Variants in TCERG1L observed in about 807,000 individuals in gnomAD.
TCERG1L encodes transcription elongation regulator 1-like protein.
TCERG1L carries 37 observed loss-of-function variants against 56.3 expected under a neutral mutation model. The observed-to-expected ratio is 0.66, with a 90% confidence interval of 0.51 to 0.87. TCERG1L has a LOEUF of 0.87. TCERG1L is among the 40% of genes least tolerant of loss of function. TCERG1L has a pLI of 0.00. For synonymous variants in TCERG1L, 324 were observed against 326.3 expected (o/e 0.99, Z 0.08); for missense variants, 799 against 774.2 (o/e 1.03, Z -0.38).
At chr10:131,183,203 T>C (rs372524888) in intron 4 of TCERG1L, among the ~76,000 whole-genome samples, 1 of 152,198 alleles carries the variant, frequency 6.6e-6, no homozygotes, top group African/African-American at 2.4e-5. Context: ...CTACCCACCA[T>C]AGGGGCTTCT....
At position 131,112,890 on chromosome 10, in the gene TCERG1L, G is replaced by A. The variant is rs1190480826; in HGVS notation, c.1395+3909C>T. On this transcript the variant is annotated intron_variant, in intron 9 of 11. Transcript: ENST00000368642. The stretch of plus-strand genomic sequence containing the variant: ...GCAGGGTTTTCACCTACTGACCCCC[G>A]TCCCTCCTCGGTTGAGGGTCGCCCT... 2.8e-5 allele frequency among the ~76,000 whole-genome samples: 4 copies of A among 142,290 alleles called. 1 individual carries two copies. The highest frequency in any genetic ancestry group is 6.3e-5 in the Non-Finnish European group (4 of 63,240). The allele number at this position is 142,290 out of a possible 152,430, so 93.3% of individuals were successfully genotyped here.
rs1589781065 is a variant in TCERG1L, at chr10:131,311,236, C to A, written c.342+58G>T. Reference sequence around the variant, plus strand: ...GAGGCCAGAGCCGGGCCGGGCAGGGCGCGCCCAGGAGCAGGGGAGACGGCG... The same window carrying A: ...GAGGCCAGAGCCGGGCCGGGCAGGGAGCGCCCAGGAGCAGGGGAGACGGCG... On this transcript the variant is annotated intron_variant, in intron 1 of 11. Transcript: ENST00000368642. This position sits in a 1 kb window ranked among gnomAD's most constrained non-coding sequence, Gnocchi z 4.0. 2 of 1,169,692 alleles carry A rather than the reference C, an allele frequency of 1.7e-6. No homozygotes were observed. Among genetic ancestry groups the A allele is most frequent in the East Asian group, 7.4e-5 (2 of 27,204 alleles). The allele number at this position is 1,169,692 out of a possible 1,614,324, so 72.5% of individuals were successfully genotyped here.
At chr10:131,256,986 AAG>A (rs1846172074) in intron 4 of TCERG1L, among the ~76,000 whole-genome samples, 27 of 83,652 alleles carry the variant, frequency 3.2e-4, no homozygotes, top group East Asian at 9.1e-4. Flanking sequence ...GGAAGGAAGG[AAG>A]GAAGGAAAGA....
intron 3 of TCERG1L, among the ~76,000 whole-genome samples, chr10:131,303,387 G>A (rs1370655288): frequency 6.6e-6 from 1 of 152,042 alleles, no homozygotes; most frequent in Non-Finnish European, 1.5e-5. Flanking sequence ...GTGATGATGA[G>A]CTTTTTTTAT....
intron 4 of TCERG1L, among the ~76,000 whole-genome samples, chr10:131,239,527 T>TCTCAACACCACGCTGCACG (rs1442326913): frequency 6.6e-6 from 1 of 152,224 alleles, no homozygotes; most frequent in Admixed American, 6.5e-5. Context: ...AAATCAGACA[T>TCTCAACACCACGCTGCACG]CTCAACACCA....
At chr10:131,129,434 C>T (rs1021624227) in intron 8 of TCERG1L, among the ~76,000 whole-genome samples, 3 of 152,216 alleles carry the variant, frequency 2.0e-5, no homozygotes, top group African/African-American at 7.2e-5. Context: ...AGCAGAAAAA[C>T]GCTGGCGTTG....
intron 6 of TCERG1L, among the ~76,000 whole-genome samples, chr10:131,148,100 G>A (rs548297761): frequency 4.3e-4 from 66 of 152,338 alleles, no homozygotes; most frequent in Admixed American, 2.4e-3. Context: ...CTCCAAAGAC[G>A]TCCACGTCCT....
intron 11 of TCERG1L, among the ~76,000 whole-genome samples, chr10:131,093,995 C>T (rs947486191): frequency 1.3e-5 from 2 of 152,186 alleles, no homozygotes; most frequent in Non-Finnish European, 2.9e-5. Context: ...ACTGATGGAG[C>T]GAATCAGAGC....
In TCERG1L at chr10:131,125,207, A is replaced by AGATGATGATGGT. The variant is rs545620568; in HGVS notation, c.1260-8274_1260-8273insACCATCATCATC. Among the ~76,000 whole-genome samples the AGATGATGATGGT allele has an allele frequency of 4.3e-5, 3 of 70,564 alleles. No individual in the cohort carries two copies. The East Asian group carries it at 8.5e-4, about 20-fold the overall frequency. The allele number at this position is 70,564 out of a possible 152,430, so 46.3% of individuals were successfully genotyped here. ...ACAATGGCCATGATGATGGTGATGA[A>AGATGATGATGGT]CATGATGATGATGGTGGTGGTGATG... is the stretch of plus-strand genomic sequence containing the variant. On this transcript the variant is annotated intron_variant, in intron 8 of 11. Transcript: ENST00000368642.
intron 3 of TCERG1L, among the ~76,000 whole-genome samples, chr10:131,289,144 ATT>A (rs11422729): frequency 2.9e-4 from 43 of 148,490 alleles, no homozygotes; most frequent in African/African-American, 1.1e-3. Flanking sequence ...AAAAGTCTTG[ATT>A]TTTTTTTTTT....
intron 4 of TCERG1L, among the ~76,000 whole-genome samples, chr10:131,214,021 C>T (rs555066659): frequency 5.6e-4 from 81 of 144,722 alleles, no homozygotes; most frequent in African/African-American, 1.8e-3. Context: ...TACAAACATG[C>T]TTTTAATGTT....
chr10:131,129,208 G>GAA (rs60210826), intron 8 of TCERG1L, among the ~76,000 whole-genome samples: 38 of 149,674 alleles, frequency 2.5e-4, no homozygotes, highest in Non-Finnish European at 3.1e-4. Flanking sequence ...CCTCTAAGAG[G>GAA]AAAAAAAAAA....
intron 6 of TCERG1L, among the ~76,000 whole-genome samples, chr10:131,157,088 AT>A (rs1845931583): frequency 6.6e-6 from 1 of 152,170 alleles, no homozygotes; most frequent in East Asian, 1.9e-4. Context: ...CACCGTACTC[AT>A]TTTGATAATC....
chr10:131,102,877 C>A (rs928082647), intron 10 of TCERG1L, among the ~76,000 whole-genome samples: 1 of 152,088 alleles, frequency 6.6e-6, no homozygotes, highest in African/African-American at 2.4e-5. Context: ...ACAACAGGCC[C>A]CTCCTGTGAG....
At position 131,093,097 on chromosome 10, in the gene TCERG1L, C is replaced by T. The variant is rs535908292; in HGVS notation, c.*65G>A. The T allele has an allele frequency of 2.2e-4, 351 of 1,567,162 alleles. No individual in the cohort carries two copies. Among genetic ancestry groups the T allele is most frequent in the African/African-American group, 1.9e-3 (137 of 73,408 alleles). Reference sequence around the variant, plus strand: ...GCCCCACGCCCGTGTCCGTCTCCACCGTGACCCCCTCGCCCCCGGCACGCC... The same window carrying T: ...GCCCCACGCCCGTGTCCGTCTCCACTGTGACCCCCTCGCCCCCGGCACGCC... On this transcript the variant is annotated 3_prime_UTR_variant, in exon 12 of 12. Coordinates refer to ENST00000368642, the MANE Select transcript of TCERG1L (RefSeq NM_174937.4).
intron 4 of TCERG1L, among the ~76,000 whole-genome samples, chr10:131,219,769 G>A (rs1029392251): frequency 7.2e-5 from 11 of 152,160 alleles, no homozygotes; most frequent in Non-Finnish European, 1.5e-4. Context: ...TTTATCCCAC[G>A]CTTGGCAATT....
intron 4 of TCERG1L, among the ~76,000 whole-genome samples, chr10:131,257,006 A>AAGGG (rs55726824): frequency 7.5e-6 from 1 of 133,812 alleles, no homozygotes; most frequent in African/African-American, 2.8e-5. Context: ...AGAAAGAAAG[A>AAGGG]AAGAAAGAAA....
At chr10:131,099,299 TTC>T (rs557190645) in intron 10 of TCERG1L, among the ~76,000 whole-genome samples, 101 of 152,330 alleles carry the variant, frequency 6.6e-4, no homozygotes, top group African/African-American at 2.2e-3. Context: ...ACAGAACCTC[TTC>T]TCTGTCAGGG....
rs939769769 is a variant in TCERG1L, at chr10:131,260,176, C to T, written c.856+83G>A. ...GGCTTCAGGTCCCACAGCGCCTGGG[C>T]CCAGGCCAGGGGCATCTAACCAGGA... On this transcript the variant is annotated intron_variant, in intron 4 of 11. Coordinates refer to ENST00000368642, the MANE Select transcript of TCERG1L (RefSeq NM_174937.4). This position sits in a 1 kb window ranked among gnomAD's most constrained non-coding sequence, Gnocchi z 5.8. 4.0e-6 allele frequency: 5 copies of T among 1,252,246 alleles called. No individual in the cohort carries two copies. The highest frequency in any genetic ancestry group is 3.0e-4 in the Middle Eastern group (1 of 3,286). The allele number at this position is 1,252,246 out of a possible 1,614,324, so 77.6% of individuals were successfully genotyped here. A position where few individuals can be genotyped will look rare whatever the true frequency, so the allele number is the denominator to read the frequency against.
Sources: gnomAD v4.1 joint callset for allele counts (sites outside exome capture counted in the v4.1 genomes callset) on GRCh38, gnomAD v4.1.1 for gene constraint, Gnocchi (gnomAD v3.1) non-coding constraint, MANE v1.5 for transcripts, NCBI Gene and HGNC (gene_info 2026-07-23, HGNC 2026-07-21) for gene names.